TCF3: variants seen among roughly 807,000 people sequenced by gnomAD.
TCF3 encodes the protein transcription factor 3.
Under a neutral mutation model 72.3 loss-of-function variants are expected in TCF3, and 54 were observed. The observed-to-expected ratio is 0.75, with a 90% CI of 0.60 to 0.94. The LOEUF (loss-of-function observed/expected upper bound fraction) is 0.94. TCF3 is among the 40% of genes least tolerant of loss of function. TCF3 has a pLI of 0.00. For synonymous variants in TCF3, 525 were observed against 412.6 expected, an observed-to-expected ratio of 1.27 and a Z score of -3.30; for missense variants, 1,078 against 934.4, an observed-to-expected ratio of 1.15 and a Z score of -2.00.
At chr19:1,631,860 G>A (rs2063753829) in intron 5 of TCF3, 178 bp downstream of exon 5, 2 of 1,490,352 alleles carry the variant, frequency 1.3e-6, no homozygotes, top group Non-Finnish European at 9.0e-7. Context: ...AGGGAGTCCG[G>A]GCCACGTCCC....
In TCF3 at chr19:1,611,280, T is replaced by C. The variant is rs141181374; in HGVS notation, c.*427A>G. On this transcript the variant is annotated 3_prime_UTR_variant, in exon 19 of 19. Transcript: ENST00000262965. ...TCCACAGCATCCCCCTTGAGTGATA[T>C]GTTTCCATTTCTCCGCTTTTTATAG... The C allele has an allele frequency of 5.9e-6, 2 of 338,676 alleles. No individual in the cohort carries two copies. The highest frequency in any genetic ancestry group is 1.1e-5 in the Non-Finnish European group (2 of 188,182). The allele number at this position is 338,676 out of a possible 1,614,324, so 21.0% of individuals were successfully genotyped here.
At chr19:1,641,964 G>C (rs1401527762) in intron 3 of TCF3, among the ~76,000 whole-genome samples, 1 of 151,762 alleles carries the variant, frequency 6.6e-6, no homozygotes, top group Non-Finnish European at 1.5e-5. Flanking sequence ...AGGATCAGTT[G>C]AGCCCAGAAC....
At chr19:1,630,822 T>C (rs2063620766) in intron 5 of TCF3, among the ~76,000 whole-genome samples, 1 of 151,570 alleles carries the variant, frequency 6.6e-6, no homozygotes, top group African/African-American at 2.4e-5. Context: ...CCAAGACCCC[T>C]ACCTGAGCCC....
At chr19:1,625,319 C>T (rs778750327) in intron 7 of TCF3, among the ~76,000 whole-genome samples, 9 of 152,240 alleles carry the variant, frequency 5.9e-5, no homozygotes, top group Admixed American at 3.9e-4. Context: ...TGGCAGAGCC[C>T]GTGCCCGTCA....
At chr19:1,627,456 G>C (rs747719242) in intron 5 of TCF3, 30 bp from the exon 6 acceptor site, 3 of 1,608,486 alleles carry the variant, frequency 1.9e-6, no homozygotes, top group Non-Finnish European at 2.5e-6. Flanking sequence ...GTTAGTGGGA[G>C]GCGACCCCAA....
Position 1,619,150 on chromosome 19 carries a change from T to G in TCF3, c.1411A>C (p.Thr471Pro), listed in dbSNP as rs2061874728. Residue 471 changes from threonine to proline, a missense_variant, in exon 16 of 19, where the codon ACC becomes CCC. Physicochemically the swap from Thr to Pro is conservative, Grantham distance 38. Transcript: ENST00000262965. ...GGAGGCCGAGACAGGTCAGGGAGGG[T>G]GCCTGGCTGGCTGGGGAGGGCCGCG... ...NHAALPSQPG[T>P]LPDLSRPPDS... is the part of the protein sequence containing the mutation. 1 of 1,599,804 alleles carries G rather than the reference T, an allele frequency of 6.3e-7. No individual in the cohort carries two copies. Among genetic ancestry groups the G allele is most frequent in the African/African-American group, 1.3e-5 (1 of 74,844 alleles).
intron 6 of TCF3, 55 bp downstream of exon 6, chr19:1,627,304 G>C: frequency 6.8e-7 from 1 of 1,468,974 alleles, no homozygotes; most frequent in Non-Finnish European, 9.3e-7. Context: ...AGAGAGGGTG[G>C]GTGACAGATT....
intron 16 of TCF3, among the ~76,000 whole-genome samples, chr19:1,618,621 C>A (rs1219390009): frequency 1.3e-5 from 2 of 152,094 alleles, no homozygotes; most frequent in Non-Finnish European, 2.9e-5. Flanking sequence ...GCGCCCTCTG[C>A]CTGAAACCCT....
At position 1,611,660 on chromosome 19, in the gene TCF3, G is replaced by C. The variant is rs201737116; in HGVS notation, c.*47C>G. ...GTCTCGAGTGGCCGTTCTGGGGCCAGAGCACAGGGCTGAAAGCGGGTGGCT... is the reference window on the plus strand; with the variant it reads ...GTCTCGAGTGGCCGTTCTGGGGCCACAGCACAGGGCTGAAAGCGGGTGGCT... On this transcript the variant is annotated 3_prime_UTR_variant, in exon 19 of 19. Coordinates refer to ENST00000262965, the MANE Select transcript of TCF3 (RefSeq NM_003200.5). 75 of 1,584,452 alleles carry C rather than the reference G, an allele frequency of 4.7e-5. 1 individual carries two copies. In the East Asian group the frequency reaches 8.1e-4, roughly 17 times the overall value.
chr19:1,642,928 G>A lies in TCF3; in HGVS notation c.145+3427C>T, dbSNP rs75644684. ...CGTTCTGTGGATTTTCACTCTGACCGTGTGTCACACTTACAATCGCACGGA... is the reference window on the plus strand; with the variant it reads ...CGTTCTGTGGATTTTCACTCTGACCATGTGTCACACTTACAATCGCACGGA... On this transcript the variant is annotated intron_variant, in intron 3 of 18. Coordinates refer to ENST00000262965, the MANE Select transcript of TCF3 (RefSeq NM_003200.5). 6.1e-3 allele frequency among the ~76,000 whole-genome samples: 932 copies of A among 152,300 alleles called. 17 individuals carry two copies. The highest frequency in any genetic ancestry group is 0.021 in the African/African-American group (876 of 41,542).
chr19:1,632,270 C>T, intron 4 of TCF3, 62 bp downstream of exon 4: 1 of 1,550,296 alleles, frequency 6.5e-7, no homozygotes, highest in Non-Finnish European at 8.7e-7. Context: ...TTTCCCCACA[C>T]CCCTCGCCCC....
At chr19:1,636,033 T>C (rs1453612213) in intron 3 of TCF3, among the ~76,000 whole-genome samples, 1 of 152,214 alleles carries the variant, frequency 6.6e-6, no homozygotes, top group Admixed American at 6.5e-5. Context: ...CCTGCCTGGG[T>C]CTGGCCCCTG....
At position 1,646,374 on chromosome 19, in the gene TCF3, C is replaced by T; in HGVS notation, c.126G>A (p.Gly42=). 7 of 1,550,402 alleles carry T rather than the reference C, an allele frequency of 4.5e-6. No individual in the cohort carries two copies. The highest frequency in any genetic ancestry group is 1.2e-5 in the South Asian group (1 of 84,044). ...NGKGRPASLA[G]AQFGGSGLED... is the part of the protein sequence containing the mutation. ...TCCTACCTGAACCTCCGAACTGCGC[C>T]CCGGCCAGGGAGGCGGGCCGGCCCT... The change falls in exon 3 of 19, where the codon GGG becomes GGA. Residue 42 remains glycine, a synonymous_variant. Coordinates refer to ENST00000262965, the MANE Select transcript of TCF3 (RefSeq NM_003200.5).
intron 3 of TCF3, among the ~76,000 whole-genome samples, chr19:1,645,927 G>A (rs1305013143): frequency 6.6e-6 from 1 of 152,092 alleles, no homozygotes; most frequent in Non-Finnish European, 1.5e-5. Context: ...AATGAAAGTC[G>A]TCGAGGCTCA....
At chr19:1,632,215 C>T (rs2063798203) in intron 4 of TCF3, 99 bp from the exon 5 acceptor site, 1 of 1,551,102 alleles carries the variant, frequency 6.4e-7, no homozygotes, top group African/African-American at 1.4e-5. Context: ...ACCCATGTCC[C>T]CCAGTCCAAA....
At chr19:1,645,820 C>G (rs1600122520) in intron 3 of TCF3, among the ~76,000 whole-genome samples, 1 of 152,312 alleles carries the variant, frequency 6.6e-6, no homozygotes, top group East Asian at 1.9e-4. Context: ...CTCAAAGCCG[C>G]GGGTCCCAGG....
chr19:1,629,321 C>G (rs114211059), intron 5 of TCF3, among the ~76,000 whole-genome samples: 2,435 of 152,242 alleles, frequency 0.016, 70 homozygotes, highest in African/African-American at 0.056. Flanking sequence ...TCAGGTTCAC[C>G]GCACAGGCTC....
At chr19:1,636,653 C>T (rs536825038) in intron 3 of TCF3, among the ~76,000 whole-genome samples, 2 of 152,156 alleles carry the variant, frequency 1.3e-5, no homozygotes, top group Non-Finnish European at 2.9e-5. Context: ...CGGCCCAGCT[C>T]GCGCACTGCA....
At chr19:1,619,498 T>C (rs1433343224) in intron 14 of TCF3, 24 bp from the exon 15 acceptor site, 1 of 1,556,096 alleles carries the variant, frequency 6.4e-7, no homozygotes, top group South Asian at 1.1e-5. Flanking sequence ...GGATGGGTGG[T>C]GAGGGGCCCA....
Sources: gnomAD v4.1 joint callset for allele counts (sites outside exome capture counted in the v4.1 genomes callset) on GRCh38, gnomAD v4.1.1 for gene constraint, MANE v1.5 for transcripts, NCBI Gene and HGNC (gene_info 2026-07-23, HGNC 2026-07-21) for gene names.